The following RMND5A variants were observed in gnomAD, a reference collection of about 807,000 sequenced individuals.
The protein encoded by RMND5A is E3 ubiquitin-protein transferase RMND5A.
In RMND5A, 17 loss-of-function variants were observed where a neutral mutation model predicts 49.7. The ratio of observed to expected loss-of-function variants is 0.34; its 90% CI spans 0.23 to 0.51. The LOEUF (loss-of-function observed/expected upper bound fraction) is 0.51. RMND5A is among the 20% of genes least tolerant of loss of function. RMND5A has a pLI of 0.96. For synonymous variants in RMND5A, 156 were observed against 167.7 expected, an observed-to-expected ratio of 0.93 and a Z score of 0.54; for missense variants, 255 against 471.3, an observed-to-expected ratio of 0.54 and a Z score of 4.25.
In RMND5A at chr2:86,774,224, T is replaced by C. The variant is rs1672728801; in HGVS notation, c.*813T>C. On this transcript the variant is annotated 3_prime_UTR_variant, in exon 9 of 9. Transcript: ENST00000283632. ...AGTTAGAAGTGTTCTTAAGTTGATA[T>C]TTACTCTCTTGGTCTTGGTAGCCCT... 6.5e-6 allele frequency: 1 copy of C among 152,680 alleles called. No individual in the cohort carries two copies. The highest frequency in any genetic ancestry group is 1.5e-5 in the Non-Finnish European group (1 of 68,046). 9.5% of individuals were successfully genotyped at this position (152,680 alleles called of 1,614,324 possible). A position where few individuals can be genotyped will look rare whatever the true frequency, so the allele number is the denominator to read the frequency against.
intron 1 of RMND5A, among the ~76,000 whole-genome samples, chr2:86,721,504 C>T (rs1368673013): frequency 2.6e-5 from 4 of 151,890 alleles, no homozygotes; most frequent in Non-Finnish European, 4.4e-5. Flanking sequence ...GAACGGGCGA[C>T]ATTTGCCCAA....
At chr2:86,742,665 C>G (rs2104390237) in intron 2 of RMND5A, among the ~76,000 whole-genome samples, 1 of 152,072 alleles carries the variant, frequency 6.6e-6, no homozygotes, top group Non-Finnish European at 1.5e-5. Context: ...CTGGTGGTGT[C>G]TAAGAAGATT....
At position 86,720,846 on chromosome 2, in the gene RMND5A, A is replaced by G. The variant is rs535932615; in HGVS notation, c.142+37A>G. ...CGCGTGGGCGCGCGGGGCATGGCCCACTGCCCGAGCCCCGGTCCCGGCCCC... is the reference window on the plus strand; with the variant it reads ...CGCGTGGGCGCGCGGGGCATGGCCCGCTGCCCGAGCCCCGGTCCCGGCCCC... On this transcript the variant is annotated intron_variant, in intron 1 of 8. Coordinates refer to ENST00000283632, the MANE Select transcript of RMND5A (RefSeq NM_022780.4). The G allele has an allele frequency of 3.1e-4, 482 of 1,535,864 alleles. 7 individuals carry two copies. In the South Asian group the frequency reaches 5.1e-3, roughly 16 times the overall value.
chr2:86,772,599 CTT>C (rs762440102), intron 8 of RMND5A, among the ~76,000 whole-genome samples: 9 of 142,720 alleles, frequency 6.3e-5, no homozygotes, highest in Admixed American at 7.0e-5. Context: ...GTGAGCTCAG[CTT>C]TTTTTTTTTT....
chr2:86,769,866 G>A (rs1347854132), intron 6 of RMND5A, among the ~76,000 whole-genome samples, 157 bp from the exon 7 acceptor site: 2 of 152,156 alleles, frequency 1.3e-5, no homozygotes, highest in African/African-American at 4.8e-5. Flanking sequence ...CTCTTCTAGT[G>A]GAAATGGCTG....
chr2:86,765,217 T>C (rs375702060), intron 5 of RMND5A, 24 bp downstream of exon 5: 6 of 1,131,736 alleles, frequency 5.3e-6, no homozygotes, highest in Non-Finnish European at 7.7e-6. Flanking sequence ...CAGATGTTAT[T>C]AATGTTTGAA....
chr2:86,775,500 G>A lies in RMND5A; in HGVS notation c.*2089G>A, dbSNP rs2104416069. 1 of 152,082 alleles carries A rather than the reference G, an allele frequency of 6.6e-6. No individual in the cohort carries two copies. The highest frequency in any genetic ancestry group is 1.9e-4 in the East Asian group (1 of 5,160). The allele number at this position is 152,082 out of a possible 1,614,324, so 9.4% of individuals were successfully genotyped here. A position where few individuals can be genotyped will look rare whatever the true frequency, so the allele number is the denominator to read the frequency against. On this transcript the variant is annotated 3_prime_UTR_variant, in exon 9 of 9. Transcript: ENST00000283632. ...GTTTGATGACCAGACTCTTCATACA[G>A]TCGGCTTGGGCCACTTTAAAGGACA...
chr2:86,745,009 T>A (rs1558720939), intron 2 of RMND5A, among the ~76,000 whole-genome samples: 1 of 13,346 alleles, frequency 7.5e-5, no homozygotes. Flanking sequence ...TCTGTGACAA[T>A]TTTTTTTTTT....
intron 6 of RMND5A, among the ~76,000 whole-genome samples, chr2:86,767,238 A>G (rs1672613729): frequency 1.3e-5 from 2 of 151,810 alleles, no homozygotes; most frequent in Non-Finnish European, 1.5e-5. Context: ...TAATTTTTGT[A>G]TTTTTAGTAG....
At chr2:86,766,897 T>C (rs1672606667) in intron 6 of RMND5A, among the ~76,000 whole-genome samples, 1 of 152,138 alleles carries the variant, frequency 6.6e-6, no homozygotes, top group Non-Finnish European at 1.5e-5. Flanking sequence ...TCTTGACCTT[T>C]CAGTACACAT....
At chr2:86,772,405 A>C (rs1448596776) in intron 8 of RMND5A, among the ~76,000 whole-genome samples, 1 of 152,152 alleles carries the variant, frequency 6.6e-6, no homozygotes, top group African/African-American at 2.4e-5. Context: ...CAGGGAGCCG[A>C]GATTGTGCCA....
Position 86,759,565 on chromosome 2 carries a change from T to A in RMND5A, c.522-5462T>A, listed in dbSNP as rs576890199. ...TGGAAATTTGGGATCAGAATTTTTTTAAAAAAATTATAGAGTTAATAATTT... is the reference window on the plus strand; with the variant it reads ...TGGAAATTTGGGATCAGAATTTTTTAAAAAAAATTATAGAGTTAATAATTT... On this transcript the variant is annotated intron_variant, in intron 4 of 8. Transcript: ENST00000283632. Among the ~76,000 whole-genome samples the A allele has an allele frequency of 1.5e-4, 23 of 152,206 alleles. No homozygotes were observed. In the South Asian group the frequency reaches 2.3e-3, roughly 15 times the overall value.
chr2:86,750,095 T>C (rs1332734748), intron 2 of RMND5A, among the ~76,000 whole-genome samples: 1 of 152,258 alleles, frequency 6.6e-6, no homozygotes, highest in Non-Finnish European at 1.5e-5. Context: ...TAGTTAAGTT[T>C]ATATATTTTT....
chr2:86,777,000 G>A lies in RMND5A; in HGVS notation c.*3589G>A, dbSNP rs968035621. On this transcript the variant is annotated 3_prime_UTR_variant, in exon 9 of 9. Transcript: ENST00000283632. ...TAAGCAGGTACAAGCTTCATGAACCGTTCTTAATGAACTATAATTGAATAG... is the reference window on the plus strand; with the variant it reads ...TAAGCAGGTACAAGCTTCATGAACCATTCTTAATGAACTATAATTGAATAG... The A allele has an allele frequency of 2.6e-5, 4 of 152,128 alleles. No individual in the cohort carries two copies. The highest frequency in any genetic ancestry group is 7.2e-5 in the African/African-American group (3 of 41,400). 9.4% of individuals were successfully genotyped at this position (152,128 alleles called of 1,614,324 possible).
At chr2:86,772,664 A>C (rs535469423) in intron 8 of RMND5A, among the ~76,000 whole-genome samples, 1 of 150,536 alleles carries the variant, frequency 6.6e-6, no homozygotes. Flanking sequence ...GTGCTGTCTC[A>C]GCTCACTGCA....
chr2:86,773,086 A>G (rs1672709576), intron 8 of RMND5A, among the ~76,000 whole-genome samples: 1 of 152,194 alleles, frequency 6.6e-6, no homozygotes, highest in African/African-American at 2.4e-5. Context: ...CCCCAAAAAC[A>G]ATTTCCAGAA....
chr2:86,762,718 C>CAT (rs5832692), intron 4 of RMND5A, among the ~76,000 whole-genome samples: 50 of 28,926 alleles, frequency 1.7e-3, no homozygotes, highest in African/African-American at 5.7e-3. Flanking sequence ...TCATATATAT[C>CAT]ATATATATCA....
chr2:86,760,330 C>T (rs891234466), intron 4 of RMND5A, among the ~76,000 whole-genome samples: 2 of 152,234 alleles, frequency 1.3e-5, no homozygotes, highest in Non-Finnish European at 2.9e-5. Flanking sequence ...AGGCCTAAGC[C>T]ACTGCACCCA....
chr2:86,754,097 C>G (rs1052212712), intron 4 of RMND5A, among the ~76,000 whole-genome samples: 1 of 152,326 alleles, frequency 6.6e-6, no homozygotes, highest in Admixed American at 6.5e-5. Context: ...AAATATTATT[C>G]TAGAGCAGGG....
Sources: gnomAD v4.1 joint callset for allele counts (sites outside exome capture counted in the v4.1 genomes callset) on GRCh38, gnomAD v4.1.1 for gene constraint, MANE v1.5 for transcripts, NCBI Gene and HGNC (gene_info 2026-07-23, HGNC 2026-07-21) for gene names.